PTPRF: variants seen among roughly 807,000 people sequenced by gnomAD.
The protein encoded by PTPRF is protein tyrosine phosphatase receptor type F.
PTPRF carries 59 observed loss-of-function variants against 201.8 expected under a neutral mutation model. The ratio of observed to expected loss-of-function variants is 0.29; its 90% CI spans 0.24 to 0.36. The LOEUF (loss-of-function observed/expected upper bound fraction) is 0.36, where lower values mean the gene tolerates loss of function less well. Among genes scored for constraint, PTPRF ranks in the 10% least tolerant of loss-of-function variants. The pLI, the probability that PTPRF is intolerant of heterozygous loss-of-function variation, is 1.00. For synonymous variants in PTPRF, 1,088 were observed against 1,089.7 expected (o/e 1.00, Z 0.03); for missense variants, 2,132 against 2,690.5 (o/e 0.79, Z 4.59).
In PTPRF at chr1:43,538,217, T is replaced by C. The variant is rs942651320; in HGVS notation, c.-106T>C. On this transcript the variant is annotated 5_prime_UTR_variant, in exon 2 of 34. Coordinates refer to ENST00000359947, the MANE Select transcript of PTPRF (RefSeq NM_002840.5). Reference sequence around the variant, plus strand: ...GTCCAGGAAGGAGTGGAGGCCCTGGTGCCCGGCCCTTGGTGCTGAGTATCC... The same window carrying C: ...GTCCAGGAAGGAGTGGAGGCCCTGGCGCCCGGCCCTTGGTGCTGAGTATCC... 2.5e-6 allele frequency: 1 copy of C among 398,546 alleles called. No individual in the cohort carries two copies. The highest frequency in any genetic ancestry group is 2.1e-5 in the African/African-American group (1 of 48,624). The allele number at this position is 398,546 out of a possible 1,614,324, so 24.7% of individuals were successfully genotyped here. A position where few individuals can be genotyped will look rare whatever the true frequency, so the allele number is the denominator to read the frequency against.
intron 21 of PTPRF, 88 bp downstream of exon 21, chr1:43,607,056 C>T (rs567319984): frequency 1.3e-6 from 2 of 1,525,194 alleles, no homozygotes; most frequent in Non-Finnish European, 1.8e-6. Context: ...GGAGAGCGTG[C>T]AGCCTTGCAT....
At chr1:43,555,173 G>A (rs374982355) in intron 5 of PTPRF, among the ~76,000 whole-genome samples, 6 of 152,028 alleles carry the variant, frequency 3.9e-5, no homozygotes, top group African/African-American at 1.4e-4. Context: ...TTCTTTTTAA[G>A]AATGTGATGT....
chr1:43,549,716 A>G (rs565687640), intron 3 of PTPRF, among the ~76,000 whole-genome samples: 2 of 152,056 alleles, frequency 1.3e-5, no homozygotes, highest in East Asian at 3.9e-4. Context: ...TTAGCCAGGC[A>G]TGGTGGTGTG....
intron 11 of PTPRF, among the ~76,000 whole-genome samples, chr1:43,595,073 A>T (rs1254898900): frequency 1.3e-5 from 2 of 152,162 alleles, no homozygotes; most frequent in African/African-American, 2.4e-5. Flanking sequence ...TGGATGTTTC[A>T]TGAGGCCTGT....
chr1:43,531,733 C>T (rs1643557548), intron 1 of PTPRF, among the ~76,000 whole-genome samples: 1 of 152,018 alleles, frequency 6.6e-6, no homozygotes, highest in African/African-American at 2.4e-5. Context: ...TACCCGCCCC[C>T]AACCGGGTGC....
rs1045302080 is a variant in PTPRF at position 43,547,470 on chromosome 1, T to C, written c.91+2304T>C. ...AGTGACCGAGCCGCAGGAGCCAGGG[T>C]CTGTCTTCCAGGCCTGTCTTACACT... On this transcript the variant is annotated intron_variant, in intron 3 of 33. Transcript: ENST00000359947. Among the ~76,000 whole-genome samples the C allele has an allele frequency of 2.7e-4, 41 of 152,058 alleles. 1 individual carries two copies. Among genetic ancestry groups the C allele is most frequent in the African/African-American group, 9.9e-4 (41 of 41,374 alleles).
At position 43,598,017 on chromosome 1, in the gene PTPRF, G is replaced by A. The variant is rs1416223281; in HGVS notation, c.2083G>A (p.Glu695Lys). The change falls in exon 12 of 34, where the codon GAG becomes AAG. Residue 695 changes from glutamate (E) to lysine (K), a missense_variant. Around this residue, in one of 6 missense-constraint regions of PTPRF, gnomAD observed 125 missense variants for 211.9 expected, o/e 0.59. Coordinates refer to ENST00000359947, the MANE Select transcript of PTPRF (RefSeq NM_002840.5). Reference protein sequence around the residue: ...RAHTDVGPGPESSPVLVRTDE... With the variant: ...RAHTDVGPGPKSSPVLVRTDE... ...ACACACAGACGTGGGCCCCGGCCCC[G>A]AGAGCAGCCCGGTGCTGGTGCGCAC... 33 of 1,518,004 alleles carry A rather than the reference G, an allele frequency of 2.2e-5. No individual in the cohort carries two copies. The highest frequency in any genetic ancestry group is 2.8e-5 in the African/African-American group (2 of 72,554). 94.0% of individuals were successfully genotyped at this position (1,518,004 alleles called of 1,614,324 possible).
chr1:43,544,029 A>G lies in PTPRF; in HGVS notation c.-45-1002A>G, dbSNP rs139905551. Among the ~76,000 whole-genome samples the G allele has an allele frequency of 8.0e-3, 1,218 of 152,276 alleles. 25 individuals carry two copies. The highest frequency in any genetic ancestry group is 0.028 in the African/African-American group (1,181 of 41,542). On this transcript the variant is annotated intron_variant, in intron 2 of 33. Coordinates refer to ENST00000359947, the MANE Select transcript of PTPRF (RefSeq NM_002840.5). ...AGTGATAGCAGCGTATCTCCCATGT[A>G]TAGTGCGGCCATGCTAGAGGCTTCA...
chr1:43,593,043 C>A lies in PTPRF; in HGVS notation c.1813+442C>A, dbSNP rs1350939609. Among the ~76,000 whole-genome samples the A allele has an allele frequency of 4.6e-5, 7 of 152,240 alleles. No individual in the cohort carries two copies. In the East Asian group the frequency reaches 1.3e-3, roughly 29 times the overall value. On this transcript the variant is annotated intron_variant, in intron 11 of 33. Transcript: ENST00000359947. ...TCACCCACATTCCCTTCCTCATACT[C>A]CCCATGAAAGTTACCTGAGAGCCAT... is the stretch of plus-strand genomic sequence containing the variant.
chr1:43,528,971 C>T (rs1387712647), upstream of PTPRF, among the ~76,000 whole-genome samples: 1 of 152,114 alleles, frequency 6.6e-6, no homozygotes, highest in East Asian at 1.9e-4. Context: ...GTAAAGGAAT[C>T]AGAGACAGTA....
intron 3 of PTPRF, among the ~76,000 whole-genome samples, chr1:43,547,401 C>A (rs1408156317): frequency 1.3e-5 from 2 of 152,236 alleles, no homozygotes; most frequent in Non-Finnish European, 2.9e-5. Flanking sequence ...CAGGCCTTCT[C>A]CCAGGCAGAG....
rs1010933949 is a variant in PTPRF at position 43,622,393 on chromosome 1, G to A, written c.*390G>A. 4.4e-5 allele frequency: 9 copies of A among 206,274 alleles called. No individual in the cohort carries two copies. Among genetic ancestry groups the A allele is most frequent in the South Asian group, 1.1e-4 (1 of 8,870 alleles). 12.8% of individuals were successfully genotyped at this position (206,274 alleles called of 1,614,324 possible). A position where few individuals can be genotyped will look rare whatever the true frequency, so the allele number is the denominator to read the frequency against. ...TCTTCCCTCTGATTTTTCCTTTCGC[G>A]AATCCGTATCTGCAGAATGGGCCAC... On this transcript the variant is annotated 3_prime_UTR_variant, in exon 34 of 34. Transcript: ENST00000359947.
intron 5 of PTPRF, among the ~76,000 whole-genome samples, chr1:43,561,201 C>T (rs778641566): frequency 3.3e-5 from 5 of 152,152 alleles, no homozygotes; most frequent in African/African-American, 4.8e-5. Flanking sequence ...AGACATATGA[C>T]CCTGTCCTGA....
At chr1:43,616,861 G>T (rs369949464) in intron 23 of PTPRF, among the ~76,000 whole-genome samples, 12 of 152,118 alleles carry the variant, frequency 7.9e-5, no homozygotes, top group East Asian at 3.9e-4. Flanking sequence ...ACCCAGGAAA[G>T]GTTGTAGAGA....
rs1455058213 is a variant in PTPRF, at chr1:43,603,515, G to A, written c.2440G>A (p.Val814Ile). The part of the protein sequence containing the change: ...GDGARSKPKI[V>I]TTTGAVPGRP... ...TGGTGCCCGCAGCAAGCCCAAAATT[G>A]TCACTACAACAGGTGCAGGTGAGTG... The change falls in exon 15 of 34, where the codon GTC becomes ATC. Residue 814 changes from valine (V) to isoleucine (I), a missense_variant. This residue lies in a region of PTPRF where 818 missense variants were observed against 915.3 expected (regional missense o/e 0.89). Transcript: ENST00000359947. The surrounding 1 kb of genome is among the most constrained non-coding windows in gnomAD (Gnocchi z 5.8). 3.7e-6 allele frequency: 6 copies of A among 1,613,992 alleles called. No homozygotes were observed. The highest frequency in any genetic ancestry group is 5.1e-6 in the Non-Finnish European group (6 of 1,179,998).
At chr1:43,535,242 T>G (rs1643931986) in intron 1 of PTPRF, among the ~76,000 whole-genome samples, 1 of 152,168 alleles carries the variant, frequency 6.6e-6, no homozygotes, top group Admixed American at 6.5e-5. Flanking sequence ...CTCAGGTGTT[T>G]GACCTTCAGG....
chr1:43,553,903 G>C lies in PTPRF; in HGVS notation c.341G>C (p.Gly114Ala). ...GAGTGTACAGCTACTAACAGCCTGG[G>C]TGAGATCAACACTAGTGCCAAGCTC... ...IYECTATNSL[G>A]EINTSAKLSV... The change falls in exon 5 of 34, where the codon GGT (glycine) becomes GCT (alanine). Residue 114 changes from glycine (G) to alanine (A), a missense_variant. Coordinates refer to ENST00000359947, the MANE Select transcript of PTPRF (RefSeq NM_002840.5). This position sits in a 1 kb window ranked among gnomAD's most constrained non-coding sequence, Gnocchi z 4.1. The C allele has an allele frequency of 6.2e-7, 1 of 1,611,910 alleles. No individual in the cohort carries two copies. Among genetic ancestry groups the C allele is most frequent in the Admixed American group, 1.7e-5 (1 of 59,818 alleles).
At chr1:43,599,250 AT>A (rs1380844343) in intron 13 of PTPRF, among the ~76,000 whole-genome samples, 2 of 151,952 alleles carry the variant, frequency 1.3e-5, no homozygotes, top group Non-Finnish European at 2.9e-5. Flanking sequence ...CAATTTTCGT[AT>A]TTTTAGTAGA....
Position 43,569,675 on chromosome 1 carries a change from A to G in PTPRF, c.465A>G (p.Leu155=), listed in dbSNP as rs1646438087. ...VVEKARTATM[L]CAAGGNPDPE... ...AGAAGGCACGCACAGCCACCATGCT[A>G]TGTGCCGCAGGCGGAAATCCAGACC... The change falls in exon 6 of 34, where the codon CTA becomes CTG. Residue 155 remains leucine, a synonymous_variant. Coordinates refer to ENST00000359947, the MANE Select transcript of PTPRF (RefSeq NM_002840.5). 3 of 1,614,030 alleles carry G rather than the reference A, an allele frequency of 1.9e-6. No homozygotes were observed. Among genetic ancestry groups the G allele is most frequent in the African/African-American group, 1.3e-5 (1 of 75,026 alleles).
Sources: allele counts gnomAD v4.1 joint callset (sites outside exome capture counted in the v4.1 genomes callset), GRCh38; gene constraint gnomAD v4.1.1; regional missense constraint gnomAD v4.1.1; non-coding constraint Gnocchi (gnomAD v3.1); transcripts MANE v1.5; gene names NCBI Gene and HGNC (gene_info 2026-07-23, HGNC 2026-07-21).